Variants in UNC5D observed in about 807,000 individuals in gnomAD.
UNC5D encodes unc-5 netrin receptor D.
In UNC5D, 39 loss-of-function variants were observed where a neutral mutation model predicts 105.4. The ratio of observed to expected loss-of-function variants is 0.37; its 90% CI spans 0.29 to 0.48. The LOEUF is 0.48. Among genes scored for constraint, UNC5D ranks in the 20% least tolerant of loss-of-function variants. UNC5D has a pLI of 0.98. For synonymous variants in UNC5D, 452 were observed against 450.4 expected (o/e 1.00, Z -0.04); for missense variants, 991 against 1,202.4 (o/e 0.82, Z 2.60).
chr8:35,728,151 A>C (rs1027590989), intron 10 of UNC5D, among the ~76,000 whole-genome samples: 1 of 149,982 alleles, frequency 6.7e-6, no homozygotes. Context: ...AAAGCCATGC[A>C]TTAAGTTATG....
At chr8:35,315,999 T>C (rs1489524800) in intron 1 of UNC5D, among the ~76,000 whole-genome samples, 2 of 152,194 alleles carry the variant, frequency 1.3e-5, no homozygotes, top group African/African-American at 2.4e-5. Flanking sequence ...TGATCAGCTT[T>C]ATAGCTTAAA....
At chr8:35,247,303 A>T (rs1803173641) in intron 1 of UNC5D, among the ~76,000 whole-genome samples, 2 of 150,650 alleles carry the variant, frequency 1.3e-5, no homozygotes, top group South Asian at 4.2e-4. Flanking sequence ...TGGCTTACAG[A>T]ATGCTGAGGT....
intron 1 of UNC5D, among the ~76,000 whole-genome samples, chr8:35,409,550 A>C (rs1285059703): frequency 1.3e-5 from 2 of 151,878 alleles, no homozygotes; most frequent in African/African-American, 2.4e-5. Context: ...TTTTCTGTGG[A>C]TATGTGTCTT....
At chr8:35,585,045 A>G (rs1378794596) in intron 3 of UNC5D, among the ~76,000 whole-genome samples, 1 of 152,170 alleles carries the variant, frequency 6.6e-6, no homozygotes, top group Non-Finnish European at 1.5e-5. Context: ...GAAAACTACA[A>G]CTGTCTCTAC....
At chr8:35,306,174 A>G (rs1012935060) in intron 1 of UNC5D, among the ~76,000 whole-genome samples, 2 of 152,022 alleles carry the variant, frequency 1.3e-5, no homozygotes, top group Non-Finnish European at 2.9e-5. Flanking sequence ...GATTTGAGGT[A>G]TATGAAAAAA....
chr8:35,751,765 G>A (rs374847393), intron 13 of UNC5D, among the ~76,000 whole-genome samples: 2 of 152,178 alleles, frequency 1.3e-5, no homozygotes, highest in Non-Finnish European at 2.9e-5. Flanking sequence ...CTAAACTAAC[G>A]CATGTGCAGA....
rs146107544 is a variant in UNC5D at position 35,276,433 on chromosome 8, C to T, written c.103+40546C>T. On this transcript the variant is annotated intron_variant, in intron 1 of 16. Coordinates refer to ENST00000404895, the MANE Select transcript of UNC5D (RefSeq NM_080872.4). ...CGGATGTCAAGGAGTCCCATGTGAT[C>T]GGTGCCAGCACTTTCCAACATAGGC... Among the ~76,000 whole-genome samples the T allele has an allele frequency of 4.6e-3, 708 of 152,270 alleles. 4 individuals are homozygous for T. The highest frequency in any genetic ancestry group is 0.02 in the Middle Eastern group (6 of 294).
intron 1 of UNC5D, among the ~76,000 whole-genome samples, chr8:35,298,928 A>G (rs140081673): frequency 1.3e-3 from 199 of 152,266 alleles, no homozygotes; most frequent in African/African-American, 4.4e-3. Context: ...TGTTATTTTT[A>G]TGTATTGTTT....
chr8:35,512,564 TATA>T (rs1563488458), intron 1 of UNC5D, among the ~76,000 whole-genome samples: 1 of 100,002 alleles, frequency 1.0e-5, no homozygotes, highest in African/African-American at 4.4e-5. Flanking sequence ...TATATATATA[TATA>T]TATCTGAATA....
chr8:35,765,616 C>A (rs1303820847), intron 14 of UNC5D, among the ~76,000 whole-genome samples: 1 of 152,150 alleles, frequency 6.6e-6, no homozygotes, highest in Admixed American at 6.5e-5. Context: ...AAATAAAAAT[C>A]TGTGAGGCTT....
At chr8:35,386,242 G>GCATC (rs1475821722) in intron 1 of UNC5D, among the ~76,000 whole-genome samples, 1 of 152,070 alleles carries the variant, frequency 6.6e-6, no homozygotes, top group African/African-American at 2.4e-5. Flanking sequence ...CCCTATCAGA[G>GCATC]CATCATTCGC....
rs1373559450 is a variant in UNC5D, at chr8:35,407,757, T to G, written c.104-141535T>G. 2.0e-5 allele frequency among the ~76,000 whole-genome samples: 3 copies of G among 152,306 alleles called. No individual in the cohort carries two copies. In the South Asian group the frequency reaches 6.2e-4, roughly 32 times the overall value. ...TCTATGTGTCTATATATTCTCATCC[T>G]TTAGCTCCTGCTTATAATTGAGAAC... is the stretch of plus-strand genomic sequence containing the variant. On this transcript the variant is annotated intron_variant, in intron 1 of 16. Transcript: ENST00000404895.
intron 1 of UNC5D, among the ~76,000 whole-genome samples, chr8:35,466,109 A>G (rs533976252): frequency 8.5e-5 from 13 of 152,174 alleles, no homozygotes; most frequent in Admixed American, 2.0e-4. Context: ...CCAAGCTTGT[A>G]GTAGATGATT....
At chr8:35,414,699 G>A (rs897299790) in intron 1 of UNC5D, among the ~76,000 whole-genome samples, 3 of 152,104 alleles carry the variant, frequency 2.0e-5, no homozygotes, top group East Asian at 3.9e-4. Flanking sequence ...ACCACAGGCT[G>A]TGAAAAGTCT....
chr8:35,284,498 A>G (rs1156563704), intron 1 of UNC5D, among the ~76,000 whole-genome samples: 1 of 152,114 alleles, frequency 6.6e-6, no homozygotes, highest in Admixed American at 6.5e-5. Flanking sequence ...AACCACATCT[A>G]TTTTCTGATT....
At chr8:35,658,469 A>G (rs1324225817) in intron 4 of UNC5D, among the ~76,000 whole-genome samples, 2 of 152,152 alleles carry the variant, frequency 1.3e-5, no homozygotes, top group African/African-American at 4.8e-5. Flanking sequence ...AGTACAAGAC[A>G]TATTGTAGGT....
At chr8:35,308,986 A>G (rs193108538) in intron 1 of UNC5D, among the ~76,000 whole-genome samples, 2 of 152,220 alleles carry the variant, frequency 1.3e-5, no homozygotes, top group East Asian at 3.9e-4. Flanking sequence ...CCGGCTGGCT[A>G]GATAGGGGTG....
At chr8:35,462,356 T>C (rs1808961327) in intron 1 of UNC5D, among the ~76,000 whole-genome samples, 1 of 152,140 alleles carries the variant, frequency 6.6e-6, no homozygotes, top group Non-Finnish European at 1.5e-5. Flanking sequence ...TAAATAACAC[T>C]CGTCAATCTC....
At chr8:35,435,353 C>A (rs1806937291) in intron 1 of UNC5D, among the ~76,000 whole-genome samples, 1 of 152,176 alleles carries the variant, frequency 6.6e-6, no homozygotes, top group South Asian at 2.1e-4. Flanking sequence ...GCAAAACATT[C>A]TCTGTCTTCA....
Sources: gnomAD v4.1 joint callset for allele counts (sites outside exome capture counted in the v4.1 genomes callset) on GRCh38, gnomAD v4.1.1 for gene constraint, MANE v1.5 for transcripts, NCBI Gene and HGNC (gene_info 2026-07-23, HGNC 2026-07-21) for gene names.